DLG2: variants seen among roughly 807,000 people sequenced by gnomAD.
The protein encoded by DLG2 is discs large MAGUK scaffold protein 2.
Under a neutral mutation model 132.5 loss-of-function variants are expected in DLG2, and 45 were observed. The ratio of observed to expected loss-of-function variants is 0.34; its 90% CI spans 0.27 to 0.44. The LOEUF is 0.44. Among genes scored for constraint, DLG2 ranks in the 20% least tolerant of loss-of-function variants. The pLI is 1.00. For synonymous variants in DLG2, 424 were observed against 419.6 expected, an observed-to-expected ratio of 1.01 and a Z score of -0.13; for missense variants, 1,045 against 1,196.9, an observed-to-expected ratio of 0.87 and a Z score of 1.87.
intron 3 of DLG2, among the ~76,000 whole-genome samples, chr11:85,445,407 G>A (rs1310345707): frequency 6.6e-6 from 1 of 152,186 alleles, no homozygotes; most frequent in African/African-American, 2.4e-5. Flanking sequence ...GCCGGGCGCG[G>A]TGGCTCATGC....
At chr11:84,287,741 GAC>G (rs373708341) in intron 7 of DLG2, among the ~76,000 whole-genome samples, 9,737 of 139,156 alleles carry the variant, frequency 0.07, 449 homozygotes, top group African/African-American at 0.14. Flanking sequence ...CTCTCTCTTA[GAC>G]ACACACACAC....
chr11:83,576,741 G>A (rs558131922), intron 19 of DLG2, among the ~76,000 whole-genome samples: 1 of 152,274 alleles, frequency 6.6e-6, no homozygotes, highest in Admixed American at 6.5e-5. Flanking sequence ...AATGCTGAAA[G>A]AATTCCTTAG....
intron 9 of DLG2, among the ~76,000 whole-genome samples, chr11:84,142,929 C>G (rs569331756): frequency 6.6e-6 from 1 of 151,420 alleles, no homozygotes; most frequent in East Asian, 1.9e-4. Flanking sequence ...CATACTAAAT[C>G]CCCTCATATA....
chr11:85,069,553 T>C (rs1377535458), intron 6 of DLG2, among the ~76,000 whole-genome samples: 2 of 151,978 alleles, frequency 1.3e-5, no homozygotes, highest in Non-Finnish European at 2.9e-5. Context: ...CATGAAAAAA[T>C]GCTCATCATC....
At chr11:85,049,409 T>C (rs983489037) in intron 6 of DLG2, among the ~76,000 whole-genome samples, 3 of 151,182 alleles carry the variant, frequency 2.0e-5, no homozygotes, top group African/African-American at 7.3e-5. Context: ...GTCTGCAATA[T>C]GGAAGACTGG....
At chr11:84,739,521 A>T (rs970430552) in intron 6 of DLG2, among the ~76,000 whole-genome samples, 1 of 152,210 alleles carries the variant, frequency 6.6e-6, no homozygotes, top group Non-Finnish European at 1.5e-5. Context: ...GTTTTAAAAA[A>T]TATTTTATAT....
intron 7 of DLG2, among the ~76,000 whole-genome samples, chr11:84,468,629 G>A (rs1213095367): frequency 1.3e-5 from 2 of 151,414 alleles, no homozygotes; most frequent in African/African-American, 4.8e-5. Context: ...CCATAACTGG[G>A]TCCTTATCAT....
At chr11:83,870,950 A>G (rs1595722531) in intron 16 of DLG2, among the ~76,000 whole-genome samples, 1 of 152,048 alleles carries the variant, frequency 6.6e-6, no homozygotes, top group East Asian at 1.9e-4. Flanking sequence ...TGTAAAAGGT[A>G]CCCCCTGGAG....
intron 18 of DLG2, among the ~76,000 whole-genome samples, chr11:83,660,028 A>G (rs568425931): frequency 1.3e-5 from 2 of 152,376 alleles, no homozygotes; most frequent in South Asian, 4.1e-4. Context: ...GAACTTTACA[A>G]ATAAACGTTG....
At chr11:84,970,557 T>C (rs1362967549) in intron 6 of DLG2, among the ~76,000 whole-genome samples, 2 of 152,182 alleles carry the variant, frequency 1.3e-5, no homozygotes, top group Admixed American at 1.3e-4. Context: ...CTCTTCCTTA[T>C]AAATGGCTGT....
At chr11:85,200,575 A>G (rs1478202481) in intron 4 of DLG2, among the ~76,000 whole-genome samples, 1 of 152,086 alleles carries the variant, frequency 6.6e-6, no homozygotes, top group African/African-American at 2.4e-5. Context: ...CTATGCAGGG[A>G]CTTGCTGGGA....
chr11:85,154,441 A>C (rs2077466828), intron 5 of DLG2, 115 bp downstream of exon 5: 1 of 576,400 alleles, frequency 1.7e-6, no homozygotes, highest in Non-Finnish European at 3.0e-6. Context: ...CCAAAGCTAG[A>C]AATTAGGTTA....
intron 4 of DLG2, among the ~76,000 whole-genome samples, chr11:85,178,867 A>G (rs1360135186): frequency 6.6e-6 from 1 of 151,998 alleles, no homozygotes; most frequent in African/African-American, 2.4e-5. Context: ...AGCATGAAGA[A>G]TAGATTGAGA....
chr11:83,967,860 G>A (rs995004283), intron 12 of DLG2, among the ~76,000 whole-genome samples: 11 of 152,166 alleles, frequency 7.2e-5, no homozygotes, highest in East Asian at 3.9e-4. Context: ...TAGGTTTTAC[G>A]TTTAGGTCTT....
At chr11:85,277,249 A>C (rs1410306662) in intron 4 of DLG2, among the ~76,000 whole-genome samples, 1 of 152,192 alleles carries the variant, frequency 6.6e-6, no homozygotes, top group Non-Finnish European at 1.5e-5. Context: ...TATGAAGACC[A>C]GTTAAAGCTT....
At chr11:85,164,213 T>C (rs929308819) in intron 4 of DLG2, among the ~76,000 whole-genome samples, 1 of 152,116 alleles carries the variant, frequency 6.6e-6, no homozygotes, top group African/African-American at 2.4e-5. Context: ...AAATATAAAT[T>C]TCCTACATAA....
At chr11:85,619,171 A>G (rs1054759091) in intron 2 of DLG2, among the ~76,000 whole-genome samples, 2 of 152,146 alleles carry the variant, frequency 1.3e-5, no homozygotes, top group Admixed American at 1.3e-4. Flanking sequence ...CAAGGTCAAA[A>G]TTGTCCCTAC....
chr11:84,622,590 A>C (rs368447165), intron 6 of DLG2, among the ~76,000 whole-genome samples: 10 of 152,298 alleles, frequency 6.6e-5, no homozygotes, highest in African/African-American at 2.4e-4. Context: ...GTTTCACAGA[A>C]GTGGAGGGGA....
intron 7 of DLG2, among the ~76,000 whole-genome samples, chr11:84,330,930 T>C (rs1286390832): frequency 6.6e-6 from 1 of 152,226 alleles, no homozygotes; most frequent in Non-Finnish European, 1.5e-5. Context: ...TTTTTAAGTT[T>C]GGTGTCAGCA....
Sources: gnomAD v4.1 joint callset for allele counts (sites outside exome capture counted in the v4.1 genomes callset) on GRCh38, gnomAD v4.1.1 for gene constraint, MANE v1.5 for transcripts, NCBI Gene and HGNC (gene_info 2026-07-23, HGNC 2026-07-21) for gene names.